The following SLC35F3 variants were observed in gnomAD, a reference collection of about 807,000 sequenced individuals.
The protein encoded by SLC35F3 is solute carrier family 35 member F3.
A neutral mutation model predicts 49.9 loss-of-function variants in SLC35F3; 25 were observed. The ratio of observed to expected loss-of-function variants is 0.50; its 90% confidence interval spans 0.37 to 0.70. The LOEUF (loss-of-function observed/expected upper bound fraction) is 0.70, where lower values mean the gene tolerates loss of function less well. Among genes scored for constraint, SLC35F3 ranks in the 30% least tolerant of loss-of-function variants. The pLI, the probability that SLC35F3 is intolerant of heterozygous loss-of-function variation, is 0.00. For synonymous variants in SLC35F3, 275 were observed against 265.4 expected, an observed-to-expected ratio of 1.04 and a Z score of -0.35; for missense variants, 525 against 639.8, an observed-to-expected ratio of 0.82 and a Z score of 1.94.
rs12144065 is a variant in SLC35F3, at chr1:234,027,211, C to T, written c.283+121453C>T. On this transcript the variant is annotated intron_variant, in intron 2 of 7. Coordinates refer to ENST00000366618, the MANE Select transcript of SLC35F3 (RefSeq NM_173508.4). This position sits in a 1 kb window ranked among gnomAD's most constrained non-coding sequence, Gnocchi z 4.1. ...TGCAGCTCTGTCTCCCACCACCACA[C>T]GCTTGATGGCCTGCATCTGGGCTGC... 0.32 allele frequency: 49,832 copies of T among 156,168 alleles called. 9,610 individuals are homozygous for T. Among genetic ancestry groups the T allele is most frequent in the Non-Finnish European group, 0.44 (30,583 of 68,996 alleles). The allele number at this position is 156,168 out of a possible 1,614,324, so 9.7% of individuals were successfully genotyped here. A position where few individuals can be genotyped will look rare whatever the true frequency, so the allele number is the denominator to read the frequency against.
At chr1:234,117,912 ATGTGTGTGTG>A (rs370186911) in intron 2 of SLC35F3, among the ~76,000 whole-genome samples, 10,920 of 113,814 alleles carry the variant, frequency 0.096, 1,429 homozygotes, top group African/African-American at 0.27. Context: ...AAGACTATAT[ATGTGTGTGTG>A]TGTGTGTGTG....
intron 2 of SLC35F3, among the ~76,000 whole-genome samples, chr1:234,113,816 T>G (rs1289738496): frequency 6.6e-6 from 1 of 152,162 alleles, no homozygotes; most frequent in Non-Finnish European, 1.5e-5. Flanking sequence ...CAAGCCGAGA[T>G]CGTGCCATTG....
intron 2 of SLC35F3, among the ~76,000 whole-genome samples, chr1:233,988,129 G>A (rs1663295121): frequency 6.6e-6 from 1 of 152,140 alleles, no homozygotes; most frequent in South Asian, 2.1e-4. Flanking sequence ...GGAGCTCTGA[G>A]AACACGAGTG....
chr1:234,275,153 G>A (rs1035981181), intron 3 of SLC35F3, among the ~76,000 whole-genome samples: 26 of 152,124 alleles, frequency 1.7e-4, no homozygotes, highest in African/African-American at 6.0e-4. Flanking sequence ...CATTTGATGC[G>A]TCACAGTCAA....
chr1:233,931,421 G>T (rs892473404), intron 2 of SLC35F3, among the ~76,000 whole-genome samples: 2 of 152,050 alleles, frequency 1.3e-5, no homozygotes, highest in Non-Finnish European at 2.9e-5. Context: ...AATCTACAAA[G>T]AACTTAAACA....
chr1:233,914,063 A>G (rs1013503306), intron 2 of SLC35F3, among the ~76,000 whole-genome samples: 5 of 152,148 alleles, frequency 3.3e-5, no homozygotes, highest in African/African-American at 1.2e-4. Flanking sequence ...TCCCAGCTCA[A>G]GACCCCTTAA....
At chr1:234,093,792 C>A (rs367750181) in intron 2 of SLC35F3, among the ~76,000 whole-genome samples, 2 of 152,364 alleles carry the variant, frequency 1.3e-5, no homozygotes, top group African/African-American at 4.8e-5. Flanking sequence ...CCTAAATATG[C>A]TGTGGACAGA....
chr1:234,023,435 T>C (rs933867305), intron 2 of SLC35F3, among the ~76,000 whole-genome samples: 11 of 152,008 alleles, frequency 7.2e-5, no homozygotes, highest in Non-Finnish European at 1.5e-4. Flanking sequence ...ATAAAGAGAG[T>C]AGTATTTGAT....
At chr1:233,915,087 A>G (rs1166190572) in intron 2 of SLC35F3, among the ~76,000 whole-genome samples, 1 of 152,238 alleles carries the variant, frequency 6.6e-6, no homozygotes, top group Non-Finnish European at 1.5e-5. Context: ...ATTCAGTGCA[A>G]CTGCTCAGAA....
At chr1:234,319,083 C>A in intron 6 of SLC35F3, 140 bp downstream of exon 6, 1 of 730,400 alleles carries the variant, frequency 1.4e-6, no homozygotes, top group Non-Finnish European at 2.2e-6. Flanking sequence ...CTTTCTGTTT[C>A]ACAAAGTAGT....
intron 2 of SLC35F3, among the ~76,000 whole-genome samples, chr1:234,016,617 G>T (rs1454572003): frequency 6.6e-6 from 1 of 152,152 alleles, no homozygotes; most frequent in Non-Finnish European, 1.5e-5. Flanking sequence ...TAGAATGATG[G>T]TTACCAGAGG....
intron 2 of SLC35F3, among the ~76,000 whole-genome samples, chr1:234,207,644 C>G (rs1558260656): frequency 6.6e-6 from 1 of 151,786 alleles, no homozygotes; most frequent in Non-Finnish European, 1.5e-5. Flanking sequence ...CATGACATCT[C>G]TTTTATAAAC....
chr1:234,266,871 TG>T lies in SLC35F3; in HGVS notation c.608+35132del, dbSNP rs199689815. On this transcript the variant is annotated intron_variant, in intron 3 of 7. Transcript: ENST00000366618. ...GACCAAAATGTCCATATGAAGCACATGGTTTTTTTTTTTTTTTTTTTTTTTT... is the reference window on the plus strand; with the variant it reads ...GACCAAAATGTCCATATGAAGCACATGTTTTTTTTTTTTTTTTTTTTTTTT... Among the ~76,000 whole-genome samples, 274 of 130,074 alleles carry T rather than the reference TG, an allele frequency of 2.1e-3. 1 individual carries two copies. Among genetic ancestry groups the T allele is most frequent in the Admixed American group, 2.5e-3 (30 of 11,866 alleles). The allele number at this position is 130,074 out of a possible 152,430, so 85.3% of individuals were successfully genotyped here.
chr1:234,083,303 T>G (rs1664909017), intron 2 of SLC35F3, among the ~76,000 whole-genome samples: 1 of 152,226 alleles, frequency 6.6e-6, no homozygotes, highest in Non-Finnish European at 1.5e-5. Flanking sequence ...GTCAGAGTAT[T>G]CTGGTGTGGC....
chr1:234,217,333 CCTG>C (rs758326617), intron 2 of SLC35F3, among the ~76,000 whole-genome samples: 1 of 152,208 alleles, frequency 6.6e-6, no homozygotes. Context: ...TACTCTGTGT[CCTG>C]TGACAATTTA....
rs1446158208 is a variant in SLC35F3, at chr1:234,323,358, T to A, written c.*115T>A. 3.6e-6 allele frequency: 3 copies of A among 833,516 alleles called. No homozygotes were observed. The highest frequency in any genetic ancestry group is 3.8e-6 in the Non-Finnish European group (2 of 531,258). The allele number at this position is 833,516 out of a possible 1,614,324, so 51.6% of individuals were successfully genotyped here. ...AGTTTTGGTCATCTGCGGTAAGTTC[T>A]ATGGTATTTATTGGCATGTCCAATT... On this transcript the variant is annotated 3_prime_UTR_variant, in exon 8 of 8. Transcript: ENST00000366618. This position sits in a 1 kb window ranked among gnomAD's most constrained non-coding sequence, Gnocchi z 4.5.
chr1:234,114,299 A>T (rs1043110438), intron 2 of SLC35F3, among the ~76,000 whole-genome samples: 1 of 152,202 alleles, frequency 6.6e-6, no homozygotes, highest in African/African-American at 2.4e-5. Context: ...GTGCACTGAA[A>T]TTGTTATGAA....
chr1:234,066,588 G>A (rs1411500184), intron 2 of SLC35F3, among the ~76,000 whole-genome samples: 1 of 151,890 alleles, frequency 6.6e-6, no homozygotes, highest in Non-Finnish European at 1.5e-5. Context: ...TTATGCTCCT[G>A]GTCTCTTCCT....
intron 2 of SLC35F3, among the ~76,000 whole-genome samples, chr1:233,914,827 G>A (rs1661942304): frequency 6.6e-6 from 1 of 152,220 alleles, no homozygotes; most frequent in Admixed American, 6.5e-5. Flanking sequence ...AATAGAGCAG[G>A]GAACCAGTTT....
Sources: allele counts gnomAD v4.1 joint callset (sites outside exome capture counted in the v4.1 genomes callset), GRCh38; gene constraint gnomAD v4.1.1; non-coding constraint Gnocchi (gnomAD v3.1); transcripts MANE v1.5; gene names NCBI Gene and HGNC (gene_info 2026-07-23, HGNC 2026-07-21).